FKBP1B: variants seen among roughly 807,000 people sequenced by gnomAD.
FKBP1B encodes the protein peptidyl-prolyl cis-trans isomerase FKBP1B.
In FKBP1B, 4 loss-of-function variants were observed where a neutral mutation model predicts 13.5. The ratio of observed to expected loss-of-function variants is 0.30; its 90% CI spans 0.15 to 0.68. The LOEUF (loss-of-function observed/expected upper bound fraction) is 0.68. Ranked by LOEUF, FKBP1B falls within the 30% of genes least tolerant of loss-of-function variation. The pLI, the probability that FKBP1B is intolerant of heterozygous loss-of-function variation, is 0.76. For synonymous variants in FKBP1B, 54 were observed against 53.6 expected, an observed-to-expected ratio of 1.01 and a Z score of -0.03; for missense variants, 93 against 136.2, an observed-to-expected ratio of 0.68 and a Z score of 1.58.
chr2:24,048,252 C>T (rs917272829), upstream of FKBP1B, among the ~76,000 whole-genome samples: 11 of 151,726 alleles, frequency 7.2e-5, no homozygotes, highest in African/African-American at 2.4e-4. Flanking sequence ...GGCGGATAAC[C>T]TGAGGTCGGG....
At chr2:24,043,244 G>A in the FKBP1B span, among the ~76,000 whole-genome samples, 1 of 152,170 alleles carries the variant, frequency 6.6e-6, no homozygotes, top group Non-Finnish European at 1.5e-5. Context: ...GCTGAGACAC[G>A]AGAATTGCTT....
At chr2:24,053,008 T>C (rs543607930) in intron 1 of FKBP1B, among the ~76,000 whole-genome samples, 1 of 152,088 alleles carries the variant, frequency 6.6e-6, no homozygotes, top group East Asian at 1.9e-4. Context: ...AGAACAGGGA[T>C]AGAGATCTTG....
chr2:24,039,188 A>T, the FKBP1B span: 2 of 1,614,190 alleles, frequency 1.2e-6, no homozygotes, highest in East Asian at 4.5e-5. Context: ...CAAGTCTGAG[A>T]CGTCAGCCAT....
At chr2:24,060,746 ATG>A in intron 2 of FKBP1B, 66 bp from the exon 3 acceptor site, 1 of 1,118,224 alleles carries the variant, frequency 8.9e-7, no homozygotes, top group Admixed American at 1.7e-5. Flanking sequence ...CATTTTAGAC[ATG>A]TGGAATCTGA....
the FKBP1B span, among the ~76,000 whole-genome samples, chr2:24,035,732 T>C: frequency 1.3e-5 from 2 of 150,568 alleles, no homozygotes; most frequent in Non-Finnish European, 3.0e-5. Context: ...CTGGGCAACA[T>C]AGCAAGACCT....
At chr2:24,055,726 G>C (rs1344907781) in intron 2 of FKBP1B, among the ~76,000 whole-genome samples, 1 of 152,140 alleles carries the variant, frequency 6.6e-6, no homozygotes, top group Non-Finnish European at 1.5e-5. Context: ...TGAACATTTG[G>C]GTTGTTCATA....
chr2:24,053,734 C>T (rs764846254), intron 1 of FKBP1B, among the ~76,000 whole-genome samples, 168 bp from the exon 2 acceptor site: 30 of 152,054 alleles, frequency 2.0e-4, no homozygotes, highest in African/African-American at 6.3e-4. Flanking sequence ...AGAGAGGTGA[C>T]GTGATTCATT....
chr2:24,063,258 T>C lies in FKBP1B; in HGVS notation c.*66T>C. 6.9e-7 allele frequency: 1 copy of C among 1,457,846 alleles called. No individual in the cohort carries two copies. The allele number at this position is 1,457,846 out of a possible 1,614,324, so 90.3% of individuals were successfully genotyped here. ...TCACCCTCCTAGCCTGCTCTGCCAC[T>C]GGGACGGCTCCTGCTTTTGGGGCTC... On this transcript the variant is annotated 3_prime_UTR_variant, in exon 4 of 4. Transcript: ENST00000380986.
the FKBP1B span, among the ~76,000 whole-genome samples, chr2:24,036,105 T>A: frequency 6.2e-5 from 9 of 145,824 alleles, no homozygotes; most frequent in Admixed American, 3.4e-4. Context: ...AATAAATAAA[T>A]AAAATAAAAT....
the FKBP1B span, among the ~76,000 whole-genome samples, chr2:24,035,509 A>G: frequency 6.6e-6 from 1 of 152,142 alleles, no homozygotes; most frequent in Non-Finnish European, 1.5e-5. Context: ...CAAATAAATG[A>G]ATTACCTATT....
intron 2 of FKBP1B, among the ~76,000 whole-genome samples, 188 bp from the exon 3 acceptor site, chr2:24,060,626 T>A (rs1298077008): frequency 2.0e-5 from 3 of 152,128 alleles, no homozygotes; most frequent in Non-Finnish European, 4.4e-5. Context: ...GACTTAGTGA[T>A]AGGCAGTATG....
At chr2:24,038,599 G>C in the FKBP1B span, 1 of 1,614,016 alleles carries the variant, frequency 6.2e-7, no homozygotes, top group Non-Finnish European at 8.5e-7. Context: ...ACAAATAAGA[G>C]AATTACCCTC....
At chr2:24,038,701 G>A in the FKBP1B span, 1 of 1,614,106 alleles carries the variant, frequency 6.2e-7, no homozygotes, top group African/African-American at 1.3e-5. Context: ...TTCAGAATCA[G>A]TTGCCTCTTT....
intron 2 of FKBP1B, among the ~76,000 whole-genome samples, chr2:24,056,342 GT>G (rs1337072552): frequency 1.3e-5 from 2 of 149,712 alleles, no homozygotes; most frequent in Non-Finnish European, 3.0e-5. Context: ...TTCATTGTGG[GT>G]TTTTTTGTTT....
intron 1 of FKBP1B, among the ~76,000 whole-genome samples, chr2:24,051,796 T>C (rs971330691): frequency 2.0e-5 from 3 of 152,194 alleles, no homozygotes; most frequent in Admixed American, 1.3e-4. Context: ...TGCTCCCTCC[T>C]CCAGGATCCC....
At chr2:24,059,372 T>TGGGGA (rs1558347584) in intron 2 of FKBP1B, among the ~76,000 whole-genome samples, 1 of 144,476 alleles carries the variant, frequency 6.9e-6, no homozygotes, top group Non-Finnish European at 1.5e-5. Context: ...GACCAGCACC[T>TGGGGA]GGGGGGGGGT....
At chr2:24,053,660 G>A (rs1257412550) in intron 1 of FKBP1B, among the ~76,000 whole-genome samples, 4 of 151,720 alleles carry the variant, frequency 2.6e-5, no homozygotes, top group Non-Finnish European at 5.9e-5. Context: ...TGGGGGTGGG[G>A]TGGTGGGAAA....
the FKBP1B span, chr2:24,033,239 T>C: frequency 9.7e-6 from 5 of 513,928 alleles, 1 homozygote; most frequent in East Asian, 1.6e-4. Flanking sequence ...GACAGCAGCC[T>C]GAGAGACACA....
upstream of FKBP1B, among the ~76,000 whole-genome samples, chr2:24,048,004 A>G (rs562064944): frequency 4.6e-5 from 7 of 152,248 alleles, no homozygotes; most frequent in South Asian, 1.5e-3. Context: ...GGATGCAGAC[A>G]ACCTCATCTG....
Sources: gnomAD v4.1 joint callset for allele counts (sites outside exome capture counted in the v4.1 genomes callset) on GRCh38, gnomAD v4.1.1 for gene constraint, MANE v1.5 for transcripts, NCBI Gene and HGNC (gene_info 2026-07-23, HGNC 2026-07-21) for gene names.